Variants in SDCCAG8 observed in about 807,000 individuals in gnomAD.
The protein encoded by SDCCAG8 is SHH signaling and ciliogenesis regulator SDCCAG8.
In SDCCAG8, 74 loss-of-function variants were observed where a neutral mutation model predicts 101.8. The observed-to-expected ratio is 0.73, with a 90% CI of 0.60 to 0.88. The LOEUF is 0.88. SDCCAG8 is among the 40% of genes least tolerant of loss of function. SDCCAG8 has a pLI of 0.00. For missense variants in SDCCAG8, 787 were observed against 822.6 expected (o/e 0.96, Z 0.53); for synonymous variants, 281 against 292.9 (o/e 0.96, Z 0.41).
rs576874946 is a variant in SDCCAG8 at position 243,422,525 on chromosome 1, A to G, written c.1854-3902A>G. On this transcript the variant is annotated intron_variant, in intron 15 of 17. Coordinates refer to ENST00000366541, the MANE Select transcript of SDCCAG8 (RefSeq NM_006642.5). The stretch of plus-strand genomic sequence containing the variant: ...TTAGTGTAGTTTTACTGTGTGGACT[A>G]TAATGTGTAAATTATATTACTGTTT... Among the ~76,000 whole-genome samples the G allele has an allele frequency of 2.4e-4, 37 of 152,350 alleles. No individual in the cohort carries two copies. The South Asian group carries it at 7.0e-3, about 29-fold the overall frequency.
intron 10 of SDCCAG8, among the ~76,000 whole-genome samples, chr1:243,336,626 A>T (rs922287757): frequency 1.3e-5 from 2 of 152,136 alleles, no homozygotes; most frequent in African/African-American, 4.8e-5. Flanking sequence ...CGCTATCATG[A>T]GAACAGCCAG....
At chr1:243,378,444 C>A (rs373697043) in intron 12 of SDCCAG8, among the ~76,000 whole-genome samples, 19 of 152,152 alleles carry the variant, frequency 1.2e-4, no homozygotes, top group African/African-American at 4.1e-4. Context: ...TTAAAGGGAA[C>A]GACTCTTAGA....
At chr1:243,457,962 A>G (rs1055407416) in intron 16 of SDCCAG8, among the ~76,000 whole-genome samples, 1 of 152,238 alleles carries the variant, frequency 6.6e-6, no homozygotes, top group African/African-American at 2.4e-5. Context: ...AAATTTGGCT[A>G]TAATATGTTA....
rs141075044 is a variant in SDCCAG8 at position 243,446,360 on chromosome 1, G to A, written c.1985+19802G>A. Among the ~76,000 whole-genome samples, 6 of 152,162 alleles carry A rather than the reference G, an allele frequency of 3.9e-5. No individual in the cohort carries two copies. The East Asian group carries it at 1.2e-3, about 29-fold the overall frequency. On this transcript the variant is annotated intron_variant, in intron 16 of 17. Coordinates refer to ENST00000366541, the MANE Select transcript of SDCCAG8 (RefSeq NM_006642.5). ...CTGCTTACTGTAGCCTCAACATCCT[G>A]GGATAAATTGATCCTTCCACCTCAG...
At chr1:243,452,323 C>T (rs1400830195) in intron 16 of SDCCAG8, among the ~76,000 whole-genome samples, 1 of 151,992 alleles carries the variant, frequency 6.6e-6, no homozygotes, top group Admixed American at 6.6e-5. Flanking sequence ...GTTACCTCCC[C>T]TAGTAACCCT....
chr1:243,371,808 G>T lies in SDCCAG8; in HGVS notation c.1474-6913G>T, dbSNP rs74755579. Among the ~76,000 whole-genome samples, 41 of 152,190 alleles carry T rather than the reference G, an allele frequency of 2.7e-4. No homozygotes were observed. In the East Asian group the frequency reaches 7.2e-3, roughly 27 times the overall value. ...CCAGTGCTATGCCAAAAAATTTTCT[G>T]TGATGATGAAAATATTTTATACCTG... On this transcript the variant is annotated intron_variant, in intron 12 of 17. Transcript: ENST00000366541.
chr1:243,265,801 A>G (rs1233247098), intron 1 of SDCCAG8, among the ~76,000 whole-genome samples: 2 of 151,710 alleles, frequency 1.3e-5, no homozygotes, highest in Non-Finnish European at 1.5e-5. Context: ...GACAACAGGG[A>G]GACTTCGTCT....
intron 5 of SDCCAG8, among the ~76,000 whole-genome samples, chr1:243,291,616 A>T (rs536578585): frequency 2.2e-4 from 33 of 152,356 alleles, no homozygotes; most frequent in African/African-American, 7.2e-4. Context: ...CTGGAAAGGC[A>T]GAAGATCGTA....
At chr1:243,267,570 C>A (rs1205964884) in intron 1 of SDCCAG8, 10 of 476,754 alleles carry the variant, frequency 2.1e-5, no homozygotes, top group Non-Finnish European at 3.1e-5. Flanking sequence ...CCATCGCACT[C>A]CAGCCTGGGC....
At chr1:243,386,671 T>C (rs1303425569) in intron 13 of SDCCAG8, among the ~76,000 whole-genome samples, 2 of 152,024 alleles carry the variant, frequency 1.3e-5, no homozygotes, top group Non-Finnish European at 2.9e-5. Flanking sequence ...GAGAATCTCT[T>C]GAACCCGGGA....
intron 16 of SDCCAG8, among the ~76,000 whole-genome samples, chr1:243,447,165 C>T (rs1318363671): frequency 3.1e-5 from 4 of 130,120 alleles, no homozygotes; most frequent in Non-Finnish European, 6.2e-5. Context: ...AGGAGAGTCA[C>T]TTGAATTCAG....
chr1:243,260,590 G>T (rs1424633920), intron 1 of SDCCAG8, among the ~76,000 whole-genome samples: 1 of 152,170 alleles, frequency 6.6e-6, no homozygotes, highest in African/African-American at 2.4e-5. Flanking sequence ...TAGAAATGCA[G>T]TATTTTAGCC....
chr1:243,442,261 A>G (rs1329412177), intron 16 of SDCCAG8, among the ~76,000 whole-genome samples: 17 of 152,190 alleles, frequency 1.1e-4, no homozygotes, highest in Admixed American at 1.1e-3. Context: ...GTGTATCTGC[A>G]CCTCTGGTAT....
At chr1:243,299,840 A>G (rs1452502804) in intron 6 of SDCCAG8, among the ~76,000 whole-genome samples, 1 of 141,014 alleles carries the variant, frequency 7.1e-6, no homozygotes, top group South Asian at 2.3e-4. Context: ...GTTCCCCTTT[A>G]CCTCTTTTTC....
intron 13 of SDCCAG8, among the ~76,000 whole-genome samples, chr1:243,410,930 A>G (rs894357054): frequency 6.6e-6 from 1 of 152,158 alleles, no homozygotes; most frequent in Non-Finnish European, 1.5e-5. Flanking sequence ...GCTTCCATGT[A>G]TATGTAATCT....
At chr1:243,465,474 T>A (rs1417996186) in intron 16 of SDCCAG8, among the ~76,000 whole-genome samples, 1 of 152,246 alleles carries the variant, frequency 6.6e-6, no homozygotes, top group African/African-American at 2.4e-5. Flanking sequence ...GAATGTACTA[T>A]GTTCTATTGG....
Position 243,270,129 on chromosome 1 carries a change from A to G in SDCCAG8, c.92A>G (p.Gln31Arg), listed in dbSNP as rs2067968530. 1 of 1,614,118 alleles carries G rather than the reference A, an allele frequency of 6.2e-7. No individual in the cohort carries two copies. The highest frequency in any genetic ancestry group is 8.5e-7 in the Non-Finnish European group (1 of 1,180,054). ...LREHASRSIH[Q>R]LTCALKEGDV... ...GAACATGCCAGCAGAAGCATTCACC[A>G]ACTGACATGTGCCCTGAAAGAAGGC... The change falls in exon 2 of 18, where the codon CAA (glutamine) becomes CGA (arginine). Residue 31 changes from glutamine (Q) to arginine (R), a missense_variant. Gln to Arg is a conservative substitution (Grantham distance 43, BLOSUM62 1). Coordinates refer to ENST00000366541, the MANE Select transcript of SDCCAG8 (RefSeq NM_006642.5).
intron 4 of SDCCAG8, among the ~76,000 whole-genome samples, chr1:243,285,221 C>G (rs1287374088): frequency 6.6e-6 from 1 of 152,184 alleles, no homozygotes; most frequent in Non-Finnish European, 1.5e-5. Context: ...GAGCTTCCAG[C>G]AAGTCATCAA....
intron 15 of SDCCAG8, among the ~76,000 whole-genome samples, chr1:243,422,500 T>C (rs1305597515): frequency 1.3e-5 from 2 of 152,176 alleles, no homozygotes; most frequent in Non-Finnish European, 2.9e-5. Context: ...TAAATGACTT[T>C]TAGTGTAGTT....
Sources: gnomAD v4.1 joint callset for allele counts (sites outside exome capture counted in the v4.1 genomes callset) on GRCh38, gnomAD v4.1.1 for gene constraint, MANE v1.5 for transcripts, NCBI Gene and HGNC (gene_info 2026-07-23, HGNC 2026-07-21) for gene names.